Variants in SLC38A10 observed in about 807,000 individuals in gnomAD.
The protein encoded by SLC38A10 is Sodium-coupled neutral amino acid transporter 10.
SLC38A10 carries 53 observed loss-of-function variants against 81.0 expected under a neutral mutation model. The ratio of observed to expected loss-of-function variants is 0.65; its 90% CI spans 0.53 to 0.82. The LOEUF (loss-of-function observed/expected upper bound fraction) is 0.82. Among genes scored for constraint, SLC38A10 ranks in the 40% least tolerant of loss-of-function variants. The probability of loss-of-function intolerance (pLI) is 0.00; values close to 1 mark genes in which losing one functional copy is unlikely to be tolerated. For synonymous variants in SLC38A10, 665 were observed against 655.3 expected (o/e 1.01, Z -0.23); for missense variants, 1,471 against 1,545.0 (o/e 0.95, Z 0.80).
intron 11 of SLC38A10, among the ~76,000 whole-genome samples, chr17:81,254,105 C>T (rs891121496): frequency 6.6e-6 from 1 of 152,250 alleles, no homozygotes; most frequent in South Asian, 2.1e-4. Flanking sequence ...CCATCACCAC[C>T]TCCCTGTCCC....
rs1278343922 is a variant in SLC38A10 at position 81,270,007 on chromosome 17, C to G, written c.1131+911G>C. On this transcript the variant is annotated intron_variant, in intron 10 of 15. Coordinates refer to ENST00000374759, the MANE Select transcript of SLC38A10 (RefSeq NM_001037984.3). The surrounding 1 kb of genome is among the most constrained non-coding windows in gnomAD (Gnocchi z 4.0). ...ATCAATATATTCCAGTAAGAAAAAG[C>G]TCAACAACTCCATAAAAAGTGAGCA... Among the ~76,000 whole-genome samples the G allele has an allele frequency of 6.6e-6, 1 of 152,086 alleles. No individual in the cohort carries two copies. The highest frequency in any genetic ancestry group is 2.4e-5 in the African/African-American group (1 of 41,402).
Position 81,245,488 on chromosome 17 carries a change from C to A in SLC38A10, c.*68G>T. 6.7e-7 allele frequency: 1 copy of A among 1,502,162 alleles called. No individual in the cohort carries two copies. The highest frequency in any genetic ancestry group is 8.9e-7 in the Non-Finnish European group (1 of 1,127,106). 93.1% of individuals were successfully genotyped at this position (1,502,162 alleles called of 1,614,324 possible). ...TGACCTCCAGAGTTTGGCTGGGATG[C>A]GGCTGAGACAGACCTGCTGCTGGCC... On this transcript the variant is annotated 3_prime_UTR_variant, in exon 16 of 16. Coordinates refer to ENST00000374759, the MANE Select transcript of SLC38A10 (RefSeq NM_001037984.3).
chr17:81,260,235 T>A lies in SLC38A10; in HGVS notation c.1288+3A>T. ...AAGGCTCAGAGAGCCAGGGTGGGCATACCTGAGAGCCGCGCTGCCTCCACC... is the reference window on the plus strand; with the variant it reads ...AAGGCTCAGAGAGCCAGGGTGGGCAAACCTGAGAGCCGCGCTGCCTCCACC... On this transcript the variant is annotated splice_donor_region_variant and intron_variant, in intron 11 of 15. Transcript: ENST00000374759. 6.3e-7 allele frequency: 1 copy of A among 1,598,764 alleles called. No homozygotes were observed. The highest frequency in any genetic ancestry group is 8.5e-7 in the Non-Finnish European group (1 of 1,173,732).
Position 81,284,843 on chromosome 17 carries a change from G to A in SLC38A10, c.263+7C>T. On this transcript the variant is annotated splice_region_variant and intron_variant, in intron 3 of 15. Coordinates refer to ENST00000374759, the MANE Select transcript of SLC38A10 (RefSeq NM_001037984.3). Reference sequence around the variant, plus strand: ...GGGGGCAAGCGCAGCGGCAGGGCGGGGCTTACCTGGTCTCCACCAGCATCT... The same window carrying A: ...GGGGGCAAGCGCAGCGGCAGGGCGGAGCTTACCTGGTCTCCACCAGCATCT... 6.5e-7 allele frequency: 1 copy of A among 1,540,712 alleles called. No homozygotes were observed. The highest frequency in any genetic ancestry group is 1.4e-5 in the African/African-American group (1 of 72,562).
chr17:81,274,576 C>T (rs571179701), intron 8 of SLC38A10, among the ~76,000 whole-genome samples: 6 of 152,292 alleles, frequency 3.9e-5, no homozygotes, highest in Non-Finnish European at 7.4e-5. Flanking sequence ...GATGGGCCAC[C>T]GGGCAGAGCT....
intron 10 of SLC38A10, among the ~76,000 whole-genome samples, chr17:81,269,207 C>T (rs2063093935): frequency 6.6e-6 from 1 of 152,136 alleles, no homozygotes. Context: ...AACTCATAAA[C>T]AAGATGATTA....
intron 14 of SLC38A10, among the ~76,000 whole-genome samples, chr17:81,248,970 G>T (rs2062878751): frequency 6.6e-6 from 1 of 152,240 alleles, no homozygotes; most frequent in Non-Finnish European, 1.5e-5. Flanking sequence ...GGAAGTGCAG[G>T]TGGCAGACCA....
At chr17:81,248,032 A>G (rs1341423605) in intron 14 of SLC38A10, among the ~76,000 whole-genome samples, 2 of 128,624 alleles carry the variant, frequency 1.6e-5, no homozygotes, top group Non-Finnish European at 3.1e-5. Context: ...ATCTCAGCTC[A>G]CTGCAAGCTC....
At position 81,270,971 on chromosome 17, in the gene SLC38A10, T is replaced by C; in HGVS notation, c.1078A>G (p.Ile360Val). 2.5e-6 allele frequency: 4 copies of C among 1,613,848 alleles called. No homozygotes were observed. The highest frequency in any genetic ancestry group is 1.7e-5 in the Admixed American group (1 of 60,016). Residue 360 changes from isoleucine (I) to valine (V), a missense_variant, in exon 10 of 16, where the codon ATC becomes GTC. By Grantham distance (29) the Ile-to-Val change is conservative. This residue lies in a region of SLC38A10 where 720 missense variants were observed against 827.7 expected (regional missense o/e 0.87). Transcript: ENST00000374759. The surrounding 1 kb of genome is among the most constrained non-coding windows in gnomAD (Gnocchi z 4.0). ...TTCTTGTAGATCAGCGCCGGGCAGA[T>C]GAAGCAGATGAGGCTTCCCATGGTC... ...GATMGSLICF[I>V]CPALIYKKIH...
chr17:81,294,757 G>A (rs1443040315), intron 1 of SLC38A10, 66 bp downstream of exon 1: 4 of 1,440,732 alleles, frequency 2.8e-6, no homozygotes, highest in East Asian at 2.8e-5. Flanking sequence ...TAACCAGGAC[G>A]ACCCAGCCAG....
chr17:81,263,256 T>C (rs546876089), intron 10 of SLC38A10: 1 of 152,274 alleles, frequency 6.6e-6, no homozygotes, highest in Non-Finnish European at 1.5e-5. Context: ...ATGGAATCTT[T>C]GGGCTGGGAC....
At chr17:81,291,618 C>T (rs1260622743) in intron 1 of SLC38A10, among the ~76,000 whole-genome samples, 1 of 152,152 alleles carries the variant, frequency 6.6e-6, no homozygotes, top group African/African-American at 2.4e-5. Flanking sequence ...GCATGTGCAC[C>T]ACTGCACCCA....
Position 81,246,889 on chromosome 17 carries a change from C to T in SLC38A10, c.2238G>A (p.Arg746=). 1 of 1,592,394 alleles carries T rather than the reference C, an allele frequency of 6.3e-7. No homozygotes were observed. The highest frequency in any genetic ancestry group is 1.3e-5 in the African/African-American group (1 of 74,818). Reference sequence around the variant, plus strand: ...CCATCCGCCAGCCCGGCCTACCCTGCCTGGGTTTATCCTCCTCGTCCTCCT... The same window carrying T: ...CCATCCGCCAGCCCGGCCTACCCTGTCTGGGTTTATCCTCCTCGTCCTCCT... ...QRQEDEEDKP[R]QVEVHQEPGA... is the part of the protein sequence containing the mutation. Residue 746 remains arginine (R), a synonymous_variant, in exon 15 of 16, where the codon AGG becomes AGA. Transcript: ENST00000374759.
At position 81,276,948 on chromosome 17, in the gene SLC38A10, A is replaced by G. The variant is rs1257275533; in HGVS notation, c.729+83T>C. ...CCCAGCAGCACACAGGGCCAGGGCC[A>G]TGCCTGTGGCAGTCCCACGGGGCAC... On this transcript the variant is annotated intron_variant, in intron 7 of 15. Coordinates refer to ENST00000374759, the MANE Select transcript of SLC38A10 (RefSeq NM_001037984.3). This position sits in a 1 kb window ranked among gnomAD's most constrained non-coding sequence, Gnocchi z 4.7. 7.3e-7 allele frequency: 1 copy of G among 1,374,850 alleles called. No individual in the cohort carries two copies. Among genetic ancestry groups the G allele is most frequent in the South Asian group, 1.2e-5 (1 of 85,500 alleles). 85.2% of individuals were successfully genotyped at this position (1,374,850 alleles called of 1,614,324 possible). A position where few individuals can be genotyped will look rare whatever the true frequency, so the allele number is the denominator to read the frequency against.
Position 81,277,227 on chromosome 17 carries a change from GTC to G in SLC38A10, c.627-96_627-95del. 1 of 1,065,104 alleles carries G rather than the reference GTC, an allele frequency of 9.4e-7. No homozygotes were observed. The highest frequency in any genetic ancestry group is 1.4e-6 in the Non-Finnish European group (1 of 703,280). 66.0% of individuals were successfully genotyped at this position (1,065,104 alleles called of 1,614,324 possible). A position where few individuals can be genotyped will look rare whatever the true frequency, so the allele number is the denominator to read the frequency against. On this transcript the variant is annotated intron_variant, in intron 6 of 15. Coordinates refer to ENST00000374759, the MANE Select transcript of SLC38A10 (RefSeq NM_001037984.3). The surrounding 1 kb of genome is among the most constrained non-coding windows in gnomAD (Gnocchi z 4.5). Reference sequence around the variant, plus strand: ...AGGACCTCTCTGCAGCCCAGTGAGAGTCTCTGACCTTCCTTCATGCAACATTC... The same window carrying G: ...AGGACCTCTCTGCAGCCCAGTGAGAGTCTGACCTTCCTTCATGCAACATTC...
At chr17:81,285,259 T>C (rs1216929803) in intron 2 of SLC38A10, 2 of 199,636 alleles carry the variant, frequency 1.0e-5, no homozygotes, top group Non-Finnish European at 2.0e-5. Flanking sequence ...CCCGTGCTGC[T>C]GGCCAGAGCT....
intron 2 of SLC38A10, 92 bp from the exon 3 acceptor site, chr17:81,284,987 A>G (rs8077394): frequency 0.55 from 671,282 of 1,211,330 alleles, 188,881 homozygotes; most frequent in African/African-American, 0.82. Flanking sequence ...GGGCGATTTC[A>G]CAGAAACCCA....
At position 81,277,174 on chromosome 17, in the gene SLC38A10, G is replaced by C. The variant is rs2063169952; in HGVS notation, c.627-41C>G. On this transcript the variant is annotated intron_variant, in intron 6 of 15. Transcript: ENST00000374759. The surrounding 1 kb of genome is among the most constrained non-coding windows in gnomAD (Gnocchi z 4.5). ...CCATTTCACAGCGGACCTGAGAGAGGCACGCCCTCCCCAGCGGCTCCACTT... is the reference window on the plus strand; with the variant it reads ...CCATTTCACAGCGGACCTGAGAGAGCCACGCCCTCCCCAGCGGCTCCACTT... 1 of 1,584,382 alleles carries C rather than the reference G, an allele frequency of 6.3e-7. No homozygotes were observed. Among genetic ancestry groups the C allele is most frequent in the Non-Finnish European group, 8.7e-7 (1 of 1,155,010 alleles).
chr17:81,273,384 G>GT (rs920427812), intron 8 of SLC38A10, among the ~76,000 whole-genome samples: 87 of 152,206 alleles, frequency 5.7e-4, no homozygotes, highest in African/African-American at 2.0e-3. Flanking sequence ...AGCCCCACCT[G>GT]TGTGTCCCTA....
Sources: gnomAD v4.1 joint callset for allele counts (sites outside exome capture counted in the v4.1 genomes callset) on GRCh38, gnomAD v4.1.1 for gene constraint, gnomAD v4.1.1 regional missense constraint, Gnocchi (gnomAD v3.1) non-coding constraint, MANE v1.5 for transcripts, NCBI Gene and HGNC (gene_info 2026-07-23, HGNC 2026-07-21) for gene names.